The following POLR1B variants were observed in gnomAD, a reference collection of about 807,000 sequenced individuals.
POLR1B encodes the protein RNA polymerase I subunit B.
In POLR1B, 30 loss-of-function variants were observed where a neutral mutation model predicts 105.8. That is an observed-to-expected ratio of 0.28 (90% CI 0.21 to 0.38). POLR1B has a LOEUF of 0.38. Among genes scored for constraint, POLR1B ranks in the 10% least tolerant of loss-of-function variants. POLR1B has a pLI of 1.00. For synonymous variants in POLR1B, 485 were observed against 505.1 expected, an observed-to-expected ratio of 0.96 and a Z score of 0.53; for missense variants, 976 against 1,435.8, an observed-to-expected ratio of 0.68 and a Z score of 5.17.
At chr2:112,570,686 T>C (rs1296361519) in intron 12 of POLR1B, among the ~76,000 whole-genome samples, 1 of 152,166 alleles carries the variant, frequency 6.6e-6, no homozygotes, top group Non-Finnish European at 1.5e-5. Context: ...GGGATCACCA[T>C]AGTATATATG....
chr2:112,564,442 T>G lies in POLR1B; in HGVS notation c.1689T>G (p.Val563=), dbSNP rs776432302. The G allele has an allele frequency of 6.2e-7, 1 of 1,614,256 alleles. No homozygotes were observed. The highest frequency in any genetic ancestry group is 8.5e-7 in the Non-Finnish European group (1 of 1,180,034). ...CYPVLLDGVM[V]GWVDKDLAPG... ...CTGTCCTGCTGGACGGTGTCATGGT[T>G]GGCTGGGTGGATAAGGATCTTGCTC... Residue 563 remains valine (V), a synonymous_variant, in exon 10 of 15, where the codon GTT becomes GTG. Transcript: ENST00000263331.
intron 9 of POLR1B, among the ~76,000 whole-genome samples, chr2:112,561,822 T>A (rs1684003683): frequency 6.6e-6 from 1 of 151,370 alleles, no homozygotes; most frequent in Non-Finnish European, 1.5e-5. Flanking sequence ...GCAATTTGTT[T>A]TTTCTGTTTG....
At position 112,575,109 on chromosome 2, in the gene POLR1B, A is replaced by C. The variant is rs1234675596; in HGVS notation, c.2788A>C (p.Ile930Leu). ...FPSRMTIGML[I>L]ESMAGKSAAL... ...ATCCCGCATGACCATTGGGATGTTA[A>C]TTGAGAGTATGGCCGGGAAGTCTGC... Residue 930 changes from isoleucine to leucine, a missense_variant, in exon 15 of 15, where the codon ATT becomes CTT. Around this residue, in one of 12 missense-constraint regions of POLR1B, gnomAD observed 35 missense variants for 102.5 expected, o/e 0.34. Coordinates refer to ENST00000263331, the MANE Select transcript of POLR1B (RefSeq NM_019014.6). The surrounding 1 kb of genome is among the most constrained non-coding windows in gnomAD (Gnocchi z 5.3). 6.2e-7 allele frequency: 1 copy of C among 1,614,160 alleles called. No homozygotes were observed. The highest frequency in any genetic ancestry group is 1.7e-5 in the Admixed American group (1 of 60,014).
At chr2:112,570,117 C>T (rs1217309962) in intron 12 of POLR1B, among the ~76,000 whole-genome samples, 3 of 150,618 alleles carry the variant, frequency 2.0e-5, no homozygotes, top group Non-Finnish European at 4.4e-5. Context: ...GGTACAATCT[C>T]GGCTCACTGC....
chr2:112,550,978 T>C lies in POLR1B; in HGVS notation c.738T>C (p.Phe246=). Residue 246 remains phenylalanine (F), a synonymous_variant, in exon 5 of 15, where the codon TTT becomes TTC. Transcript: ENST00000263331. ...LNFIYRKELF[F]LPLGFALKAL... Reference sequence around the variant, plus strand: ...TTATTTACCGAAAAGAACTGTTCTTTCTTCCTTTGGGATTTGCACTTAAGG... The same window carrying C: ...TTATTTACCGAAAAGAACTGTTCTTCCTTCCTTTGGGATTTGCACTTAAGG... 1 of 1,613,846 alleles carries C rather than the reference T, an allele frequency of 6.2e-7. No homozygotes were observed. Among genetic ancestry groups the C allele is most frequent in the Non-Finnish European group, 8.5e-7 (1 of 1,179,712 alleles).
intron 10 of POLR1B, among the ~76,000 whole-genome samples, chr2:112,567,137 A>G (rs1684325345): frequency 1.3e-5 from 2 of 152,246 alleles, no homozygotes; most frequent in African/African-American, 2.4e-5. Context: ...CTATAGTCAC[A>G]TGCTGTACAT....
At chr2:112,542,416 G>C (rs769542609), upstream of POLR1B, 1 of 1,612,314 alleles carries the variant, frequency 6.2e-7, no homozygotes, top group East Asian at 2.2e-5. Context: ...CGGGACTGCG[G>C]CCACTACTTC....
rs556959787 is a variant in POLR1B, at chr2:112,568,796, C to G, written c.1968C>G (p.Thr656=). ...AGGATGAAGTTTTTGCTGGAGTTACCACACACCAGGAACTCTTTCCACACA... is the reference window on the plus strand; with the variant it reads ...AGGATGAAGTTTTTGCTGGAGTTACGACACACCAGGAACTCTTTCCACACA... ...IFEDEVFAGV[T]THQELFPHSL... Residue 656 remains threonine, a synonymous_variant, in exon 12 of 15, where the codon ACC becomes ACG. Transcript: ENST00000263331. 6.2e-7 allele frequency: 1 copy of G among 1,614,076 alleles called. No homozygotes were observed. The highest frequency in any genetic ancestry group is 1.1e-5 in the South Asian group (1 of 91,080).
rs1574083221 is a variant in POLR1B at position 112,542,800 on chromosome 2, A to G, written c.177+129A>G. ...GACAGGCTTGGTGGGTAAGCGGGAG[A>G]GCACAACATGTTAAACAGGACGCGG... On this transcript the variant is annotated intron_variant, in intron 1 of 14. Coordinates refer to ENST00000263331, the MANE Select transcript of POLR1B (RefSeq NM_019014.6). 4 of 1,229,078 alleles carry G rather than the reference A, an allele frequency of 3.3e-6. No homozygotes were observed. The South Asian group carries it at 4.4e-5, about 14-fold the overall frequency. 76.1% of individuals were successfully genotyped at this position (1,229,078 alleles called of 1,614,324 possible).
chr2:112,563,735 A>G (rs577695980), intron 9 of POLR1B, among the ~76,000 whole-genome samples: 1 of 149,880 alleles, frequency 6.7e-6, no homozygotes, highest in Non-Finnish European at 1.5e-5. Context: ...CTGTCTCTAC[A>G]AAAAAAAAAT....
At chr2:112,562,803 G>T (rs1278520003) in intron 9 of POLR1B, among the ~76,000 whole-genome samples, 3 of 141,318 alleles carry the variant, frequency 2.1e-5, no homozygotes, top group Admixed American at 7.5e-5. Flanking sequence ...TCGGCTCACC[G>T]CAACCTCCAC....
At position 112,552,781 on chromosome 2, in the gene POLR1B, CTCACACCGGG is replaced by C. The variant is rs1174259032; in HGVS notation, c.1127_1136del (p.Thr376SerfsTer7). On this transcript the variant is annotated frameshift_variant, in exon 7 of 15. Coordinates refer to ENST00000263331, the MANE Select transcript of POLR1B (RefSeq NM_019014.6). LOFTEE classifies it high-confidence loss of function. ...TGATAGTTTGGTGAACCAGGAAGTC[CTCACACCGGG>C]TCAGCTCTTCCTTATGTTCCTGAAG... 6.2e-7 allele frequency: 1 copy of C among 1,605,318 alleles called. No homozygotes were observed. The highest frequency in any genetic ancestry group is 1.3e-5 in the African/African-American group (1 of 74,342).
At chr2:112,563,889 CCT>C (rs2104554985) in intron 9 of POLR1B, among the ~76,000 whole-genome samples, 1 of 152,172 alleles carries the variant, frequency 6.6e-6, no homozygotes, top group East Asian at 1.9e-4. Context: ...AGAGCAAGAC[CCT>C]GTCTCAAAAA....
chr2:112,558,917 C>CTTTTT, intron 8 of POLR1B, among the ~76,000 whole-genome samples: 1 of 141,624 alleles, frequency 7.1e-6, no homozygotes, highest in Non-Finnish European at 1.5e-5. Context: ...TGTGCCCCGC[C>CTTTTT]TTTTTTTTTT....
At chr2:112,555,583 C>T (rs375604312) in intron 7 of POLR1B, among the ~76,000 whole-genome samples, 7 of 152,192 alleles carry the variant, frequency 4.6e-5, no homozygotes, top group Non-Finnish European at 8.8e-5. Context: ...GCCCAGGCGG[C>T]GGAGGATGCA....
rs765086969 is a variant in POLR1B at position 112,564,449 on chromosome 2, G to A, written c.1696G>A (p.Val566Met). The change falls in exon 10 of 15, where the codon GTG becomes ATG. Residue 566 changes from valine (V) to methionine (M), a missense_variant. By Grantham distance (21) the Val-to-Met change is conservative (BLOSUM62 1). Transcript: ENST00000263331. ...GCTGGACGGTGTCATGGTTGGCTGGGTGGATAAGGATCTTGCTCCAGGCAT... is the reference window on the plus strand; with the variant it reads ...GCTGGACGGTGTCATGGTTGGCTGGATGGATAAGGATCTTGCTCCAGGCAT... ...VLLDGVMVGW[V>M]DKDLAPGIAD... 1.2e-6 allele frequency: 2 copies of A among 1,614,262 alleles called. No individual in the cohort carries two copies. Among genetic ancestry groups the A allele is most frequent in the Non-Finnish European group, 8.5e-7 (1 of 1,180,042 alleles).
intron 1 of POLR1B, among the ~76,000 whole-genome samples, chr2:112,544,061 C>T (rs1170184736): frequency 6.6e-6 from 1 of 151,802 alleles, no homozygotes; most frequent in Non-Finnish European, 1.5e-5. Context: ...TGCACTCCAT[C>T]CTCGGTAACA....
intron 9 of POLR1B, among the ~76,000 whole-genome samples, chr2:112,562,733 T>C (rs932419903): frequency 9.8e-5 from 14 of 143,394 alleles, no homozygotes; most frequent in Admixed American, 5.4e-4. Flanking sequence ...TTTTTCTTTT[T>C]TTTTTTTTTT....
At chr2:112,569,068 C>G (rs1257286573) in intron 12 of POLR1B, among the ~76,000 whole-genome samples, 166 bp downstream of exon 12, 1 of 152,176 alleles carries the variant, frequency 6.6e-6, no homozygotes, top group Non-Finnish European at 1.5e-5. Context: ...CAGGATCACT[C>G]ATTGTATTTA....
Sources: gnomAD v4.1 joint callset for allele counts (sites outside exome capture counted in the v4.1 genomes callset) on GRCh38, gnomAD v4.1.1 for gene constraint, gnomAD v4.1.1 regional missense constraint, Gnocchi (gnomAD v3.1) non-coding constraint, MANE v1.5 for transcripts, NCBI Gene and HGNC (gene_info 2026-07-23, HGNC 2026-07-21) for gene names.